SH3PXD2B: variants seen among roughly 807,000 people sequenced by gnomAD.
SH3PXD2B encodes the protein SH3 and PX domain-containing protein 2B.
SH3PXD2B carries 37 observed loss-of-function variants against 73.1 expected under a neutral mutation model. The observed-to-expected ratio is 0.51, with a 90% CI of 0.39 to 0.67. SH3PXD2B has a LOEUF of 0.67. Among genes scored for constraint, SH3PXD2B ranks in the 30% least tolerant of loss-of-function variants. The pLI is 0.00. For missense variants in SH3PXD2B, 1,053 were observed against 1,197.8 expected, an observed-to-expected ratio of 0.88 and a Z score of 1.78; for synonymous variants, 457 against 480.5, an observed-to-expected ratio of 0.95 and a Z score of 0.64.
At chr5:172,329,537 A>ATTATTTTTTT (rs1189125823), downstream of SH3PXD2B, among the ~76,000 whole-genome samples, 1 of 62,960 alleles carries the variant, frequency 1.6e-5, no homozygotes, top group Non-Finnish European at 3.6e-5. Flanking sequence ...GATCTTTGTT[A>ATTATTTTTTT]TTCTTTTTTT....
At chr5:172,370,811 T>G (rs1390316777) in intron 6 of SH3PXD2B, among the ~76,000 whole-genome samples, 1 of 152,218 alleles carries the variant, frequency 6.6e-6, no homozygotes, top group Non-Finnish European at 1.5e-5. Context: ...CCACTTAGGC[T>G]TCAGGACGTT....
At chr5:172,330,922 C>G (rs997361865), downstream of SH3PXD2B, among the ~76,000 whole-genome samples, 1 of 152,228 alleles carries the variant, frequency 6.6e-6, no homozygotes. Context: ...TGGCTGGGCG[C>G]GGTGGCTCAC....
intron 1 of SH3PXD2B, among the ~76,000 whole-genome samples, chr5:172,452,882 G>C (rs559590160): frequency 2.0e-5 from 3 of 152,182 alleles, no homozygotes; most frequent in African/African-American, 7.2e-5. Context: ...AGACAATTTA[G>C]CTCAGCTCTG....
At chr5:172,406,573 GT>G (rs1334446820) in intron 2 of SH3PXD2B, among the ~76,000 whole-genome samples, 1 of 152,132 alleles carries the variant, frequency 6.6e-6, no homozygotes, top group Non-Finnish European at 1.5e-5. Flanking sequence ...ATTTGTGAAG[GT>G]TCAGAGTTAG....
intron 3 of SH3PXD2B, among the ~76,000 whole-genome samples, chr5:172,400,078 G>A (rs1758392660): frequency 6.6e-6 from 1 of 152,130 alleles, no homozygotes; most frequent in South Asian, 2.1e-4. Context: ...TCAAGTCTGG[G>A]CTACTTATCT....
rs929683099 is a variant in SH3PXD2B at position 172,445,992 on chromosome 5, G to C, written c.75+8286C>G. On this transcript the variant is annotated intron_variant, in intron 1 of 12. Transcript: ENST00000311601. The surrounding 1 kb of genome is among the most constrained non-coding windows in gnomAD (Gnocchi z 5.2). Reference sequence around the variant, plus strand: ...AGGCAGCCACACGAGCCCTGCCCCCGGCCCACTGCTGGAGGCACTGAGCCT... The same window carrying C: ...AGGCAGCCACACGAGCCCTGCCCCCCGCCCACTGCTGGAGGCACTGAGCCT... 1.3e-5 allele frequency among the ~76,000 whole-genome samples: 2 copies of C among 152,326 alleles called. No homozygotes were observed. The highest frequency in any genetic ancestry group is 2.4e-5 in the African/African-American group (1 of 41,584).
At chr5:172,429,323 C>CCAAAA (rs1390051048) in intron 1 of SH3PXD2B, among the ~76,000 whole-genome samples, 2 of 96,266 alleles carry the variant, frequency 2.1e-5, no homozygotes, top group African/African-American at 4.6e-5. Context: ...CACCCCCGCC[C>CCAAAA]CTTGGGAGCA....
At chr5:172,382,510 T>A (rs1757971814) in intron 4 of SH3PXD2B, among the ~76,000 whole-genome samples, 1 of 151,990 alleles carries the variant, frequency 6.6e-6, no homozygotes, top group East Asian at 1.9e-4. Flanking sequence ...GCTGAGGATG[T>A]GCATTTCTAA....
chr5:172,433,039 C>G (rs1265875279), intron 1 of SH3PXD2B, among the ~76,000 whole-genome samples: 1 of 152,038 alleles, frequency 6.6e-6, no homozygotes, highest in Non-Finnish European at 1.5e-5. Flanking sequence ...TGACAGACCA[C>G]ATATACAACA....
At chr5:172,433,710 A>G (rs1759305500) in intron 1 of SH3PXD2B, among the ~76,000 whole-genome samples, 1 of 152,134 alleles carries the variant, frequency 6.6e-6, no homozygotes, top group Non-Finnish European at 1.5e-5. Context: ...TTACTATGGG[A>G]GTGAGGTTAA....
chr5:172,431,327 G>C (rs1759234619), intron 1 of SH3PXD2B, among the ~76,000 whole-genome samples: 1 of 152,248 alleles, frequency 6.6e-6, no homozygotes, highest in African/African-American at 2.4e-5. Context: ...ACCCGGAGCC[G>C]TGCTCCAAAC....
intron 3 of SH3PXD2B, 143 bp from the exon 4 acceptor site, chr5:172,394,782 G>A: frequency 2.6e-6 from 2 of 783,012 alleles, no homozygotes; most frequent in Non-Finnish European, 4.3e-6. Context: ...ACCCCCACTG[G>A]ACTTCCGTGA....
At position 172,382,040 on chromosome 5, in the gene SH3PXD2B, T is replaced by TG. The variant is rs765784096; in HGVS notation, c.396dup (p.Lys133GlnfsTer13). ...GAAGCCCACAAACAAACTTACTCTTTGGGGGGATTCAGGTCCTCAGGTCTT... is the reference window on the plus strand; with the variant it reads ...GAAGCCCACAAACAAACTTACTCTTTGGGGGGGATTCAGGTCCTCAGGTCTT... On this transcript the variant is annotated frameshift_variant, in exon 5 of 13. Coordinates refer to ENST00000311601, the MANE Select transcript of SH3PXD2B (RefSeq NM_001017995.3). LOFTEE classifies it high-confidence loss of function. 3 of 1,610,678 alleles carry TG rather than the reference T, an allele frequency of 1.9e-6. No homozygotes were observed. The highest frequency in any genetic ancestry group is 2.7e-5 in the African/African-American group (2 of 74,946).
At chr5:172,373,920 A>G (rs1330068849) in intron 5 of SH3PXD2B, 105 bp from the exon 6 acceptor site, 2 of 1,233,428 alleles carry the variant, frequency 1.6e-6, no homozygotes, top group Non-Finnish European at 2.4e-6. Context: ...CCCCCACAAC[A>G]TCATCAGTGA....
chr5:172,416,808 A>G (rs993552836), intron 2 of SH3PXD2B, among the ~76,000 whole-genome samples: 1 of 148,510 alleles, frequency 6.7e-6, no homozygotes, highest in Non-Finnish European at 1.5e-5. Flanking sequence ...TGCTAGGCTC[A>G]AGGGATCCTC....
At chr5:172,400,623 C>T (rs1005696541) in intron 3 of SH3PXD2B, among the ~76,000 whole-genome samples, 3 of 152,246 alleles carry the variant, frequency 2.0e-5, no homozygotes, top group African/African-American at 7.2e-5. Flanking sequence ...TACCGTCCCC[C>T]TCTCTCAGTA....
intron 2 of SH3PXD2B, among the ~76,000 whole-genome samples, chr5:172,408,112 GCCTTGCCCCAGAAGT>G (rs1428116569): frequency 6.6e-5 from 10 of 152,006 alleles, no homozygotes; most frequent in Non-Finnish European, 1.5e-4. Flanking sequence ...GGAATGCACG[GCCTTGCCCCAGAAGT>G]CTTTAAACTT....
At chr5:172,444,948 G>C (rs1018986907) in intron 1 of SH3PXD2B, among the ~76,000 whole-genome samples, 1 of 152,128 alleles carries the variant, frequency 6.6e-6, no homozygotes, top group African/African-American at 2.4e-5. Flanking sequence ...AGGTCCTTCT[G>C]GCCCCTCTAC....
intron 12 of SH3PXD2B, among the ~76,000 whole-genome samples, chr5:172,340,988 T>A (rs1561892227): frequency 6.6e-6 from 1 of 151,932 alleles, no homozygotes; most frequent in Admixed American, 6.5e-5. Context: ...TGGAGTAGAG[T>A]AGATTTTCAT....
Sources: allele counts gnomAD v4.1 joint callset (sites outside exome capture counted in the v4.1 genomes callset), GRCh38; gene constraint gnomAD v4.1.1; non-coding constraint Gnocchi (gnomAD v3.1); transcripts MANE v1.5; gene names NCBI Gene and HGNC (gene_info 2026-07-23, HGNC 2026-07-21).